PCDHA6: variants seen among roughly 807,000 people sequenced by gnomAD.
The protein encoded by PCDHA6 is protocadherin alpha 6, also known as protocadherin alpha-6.
Under a neutral mutation model 60.3 loss-of-function variants are expected in PCDHA6, and 55 were observed. The observed-to-expected ratio is 0.91, with a 90% CI of 0.73 to 1.14. The LOEUF is 1.14. Ranked by LOEUF, PCDHA6 falls within the 50% of genes most tolerant of loss-of-function variation. The pLI, the probability that PCDHA6 is intolerant of heterozygous loss-of-function variation, is 0.00. For missense variants in PCDHA6, 1,327 were observed against 1,256.5 expected, an observed-to-expected ratio of 1.06 and a Z score of -0.85; for synonymous variants, 652 against 557.9, an observed-to-expected ratio of 1.17 and a Z score of -2.38.
rs2150163134 is a variant in PCDHA6 at position 140,829,157 on chromosome 5, T to A, written c.1066T>A (p.Ser356Thr). Residue 356 changes from serine to threonine, a missense_variant, in exon 1 of 4, where the codon TCC becomes ACC. Ser to Thr is a moderately conservative substitution (Grantham distance 58, BLOSUM62 1). Transcript: ENST00000529310. ...NVPEIALTSL[S>T]LPVREDAQFG... ...CCCTGAGATAGCACTGACTTCCTTA[T>A]CCTTGCCTGTACGTGAAGACGCTCA... 6.2e-6 allele frequency: 10 copies of A among 1,613,942 alleles called. No individual in the cohort carries two copies. The highest frequency in any genetic ancestry group is 7.6e-6 in the Non-Finnish European group (9 of 1,179,914).
At chr5:140,912,494 A>T (rs536513157) in intron 1 of PCDHA6, among the ~76,000 whole-genome samples, 1 of 152,190 alleles carries the variant, frequency 6.6e-6, no homozygotes, top group South Asian at 2.1e-4. Context: ...CAGATCTAGG[A>T]GCTTTTTGGA....
At chr5:140,873,009 T>C (rs1397141967) in intron 1 of PCDHA6, among the ~76,000 whole-genome samples, 1 of 152,224 alleles carries the variant, frequency 6.6e-6, no homozygotes, top group African/African-American at 2.4e-5. Context: ...TCATTCTTCA[T>C]ATTTAGTTAT....
At chr5:140,856,589 A>G in intron 1 of PCDHA6, 1 of 1,597,786 alleles carries the variant, frequency 6.3e-7, no homozygotes, top group Non-Finnish European at 8.6e-7. Flanking sequence ...TGTTCTTGAT[A>G]TTATAAACAA....
chr5:140,937,805 G>T (rs1192616946), intron 1 of PCDHA6, among the ~76,000 whole-genome samples: 1 of 149,924 alleles, frequency 6.7e-6, no homozygotes, highest in Admixed American at 6.6e-5. Flanking sequence ...CCAGCTACTC[G>T]GGAAGCTGAG....
chr5:140,842,686 C>T lies in PCDHA6; in HGVS notation c.2394+12201C>T, dbSNP rs2150342048. Reference sequence around the variant, plus strand: ...ACGTGAACGACAATGCTCCGGCGTTCGCGCAGCCCGAGTACACGGTGTTCG... The same window carrying T: ...ACGTGAACGACAATGCTCCGGCGTTTGCGCAGCCCGAGTACACGGTGTTCG... On this transcript the variant is annotated intron_variant, in intron 1 of 3. Transcript: ENST00000529310. 1.9e-6 allele frequency: 3 copies of T among 1,595,316 alleles called. 1 individual carries two copies. The South Asian group carries it at 3.3e-5, about 18-fold the overall frequency.
At chr5:140,862,451 C>A (rs1554156361) in intron 1 of PCDHA6, 4 of 365,784 alleles carry the variant, frequency 1.1e-5, no homozygotes, top group African/African-American at 2.1e-5. Flanking sequence ...TCCACAGCGC[C>A]CTGGACCAAG....
At chr5:140,841,736 A>G in intron 1 of PCDHA6, 1 of 1,613,716 alleles carries the variant, frequency 6.2e-7, no homozygotes, top group Non-Finnish European at 8.5e-7. Context: ...AAAAGACCAA[A>G]AGCTGTTTGT....
Position 140,843,520 on chromosome 5 carries a change from G to A in PCDHA6, c.2394+13035G>A, listed in dbSNP as rs2150361803. 1.5e-5 allele frequency: 24 copies of A among 1,595,834 alleles called. 2 individuals are homozygous for A. The highest frequency in any genetic ancestry group is 2.0e-5 in the Non-Finnish European group (23 of 1,165,564). On this transcript the variant is annotated intron_variant, in intron 1 of 3. Coordinates refer to ENST00000529310, the MANE Select transcript of PCDHA6 (RefSeq NM_018909.4). ...CACTGCCCACTGAGGGCGGGTGCCG[G>A]GCGGGCAAGCCCACTCTGGTGTGCT...
intron 3 of PCDHA6, among the ~76,000 whole-genome samples, chr5:140,995,404 A>G (rs941348184): frequency 1.3e-5 from 2 of 152,184 alleles, no homozygotes; most frequent in Admixed American, 6.5e-5. Flanking sequence ...ATGGCTCGAG[A>G]TTTCATCACA....
intron 1 of PCDHA6, among the ~76,000 whole-genome samples, chr5:140,902,447 G>A (rs1004773008): frequency 2.6e-5 from 4 of 152,024 alleles, no homozygotes; most frequent in Non-Finnish European, 4.4e-5. Flanking sequence ...TCATATTCTA[G>A]ATCCTAGAGA....
chr5:140,882,331 C>T, intron 1 of PCDHA6: 3 of 1,614,214 alleles, frequency 1.9e-6, no homozygotes, highest in South Asian at 2.2e-5. Flanking sequence ...TTCTGATCCT[C>T]GCAGCCTGGG....
At chr5:140,951,343 G>C (rs2094573680) in intron 1 of PCDHA6, among the ~76,000 whole-genome samples, 1 of 151,988 alleles carries the variant, frequency 6.6e-6, no homozygotes, top group South Asian at 2.1e-4. Flanking sequence ...GTTTGTGTTA[G>C]TCCATTATTG....
chr5:140,968,089 C>T lies in PCDHA6; in HGVS notation c.2395-10860C>T, dbSNP rs546330069. ...CTGTCTACAACATCACGGTGACAGC[C>T]ACAGATGGGGGAATACCGCAGCTCA... On this transcript the variant is annotated intron_variant, in intron 1 of 3. Transcript: ENST00000529310. 120 of 1,614,126 alleles carry T rather than the reference C, an allele frequency of 7.4e-5. 1 individual carries two copies. The South Asian group carries it at 1.2e-3, about 16-fold the overall frequency.
chr5:140,987,225 A>AT (rs1451600480), intron 3 of PCDHA6, among the ~76,000 whole-genome samples: 11 of 143,044 alleles, frequency 7.7e-5, no homozygotes, highest in Non-Finnish European at 1.0e-4. Context: ...AAAAAAAAAA[A>AT]AATAATAAAT....
chr5:140,843,317 C>G (rs2150357275), intron 1 of PCDHA6: 11 of 1,595,910 alleles, frequency 6.9e-6, no homozygotes, highest in African/African-American at 1.3e-5. Context: ...GGCCACGGTT[C>G]TGGTGTCGCT....
chr5:140,901,177 G>T (rs2068485979), intron 1 of PCDHA6, among the ~76,000 whole-genome samples: 1 of 152,034 alleles, frequency 6.6e-6, no homozygotes, highest in African/African-American at 2.4e-5. Flanking sequence ...TCACTTTGTT[G>T]ATTGTTTGCT....
At chr5:140,879,335 C>T (rs1388490473) in intron 1 of PCDHA6, among the ~76,000 whole-genome samples, 1 of 152,072 alleles carries the variant, frequency 6.6e-6, no homozygotes, top group Non-Finnish European at 1.5e-5. Context: ...TTAGTTTGTT[C>T]AGCTGAGAAG....
At chr5:140,909,835 C>T (rs1554193946) in intron 1 of PCDHA6, among the ~76,000 whole-genome samples, 2 of 152,068 alleles carry the variant, frequency 1.3e-5, no homozygotes, top group Non-Finnish European at 2.9e-5. Context: ...AACTGGAGGA[C>T]CACCAGGACG....
At chr5:141,000,410 TA>T (rs2097918693) in intron 3 of PCDHA6, among the ~76,000 whole-genome samples, 2 of 101,940 alleles carry the variant, frequency 2.0e-5, no homozygotes, top group African/African-American at 7.8e-5. Flanking sequence ...TATATATATA[TA>T]TATATATATA....
Sources: allele counts gnomAD v4.1 joint callset (sites outside exome capture counted in the v4.1 genomes callset), GRCh38; gene constraint gnomAD v4.1.1; transcripts MANE v1.5; gene names NCBI Gene and HGNC (gene_info 2026-07-23, HGNC 2026-07-21).